Variants in MBOAT1 observed in about 807,000 individuals in gnomAD.
The protein encoded by MBOAT1 is membrane-bound glycerophospholipid O-acyltransferase 1.
Under a neutral mutation model 64.4 loss-of-function variants are expected in MBOAT1, and 67 were observed. That is an observed-to-expected ratio of 1.04 (90% CI 0.85 to 1.27). The LOEUF is 1.27. Among genes scored for constraint, MBOAT1 ranks in the 50% most tolerant of loss-of-function variants. The pLI, the probability that MBOAT1 is intolerant of heterozygous loss-of-function variation, is 0.00. For missense variants in MBOAT1, 563 were observed against 604.6 expected (o/e 0.93, Z 0.72); for synonymous variants, 229 against 218.9 (o/e 1.05, Z -0.41).
At position 20,144,263 on chromosome 6, in the gene MBOAT1, T is replaced by C. The variant is rs1454772008; in HGVS notation, c.376A>G (p.Ile126Val). 3 of 1,613,274 alleles carry C rather than the reference T, an allele frequency of 1.9e-6. No individual in the cohort carries two copies. Among genetic ancestry groups the C allele is most frequent in the Non-Finnish European group, 2.5e-6 (3 of 1,179,600 alleles). The change falls in exon 4 of 13, where the codon ATA becomes GTA. Residue 126 changes from isoleucine to valine, a missense_variant. By Grantham distance (29) the Ile-to-Val change is conservative. Transcript: ENST00000324607. ...GYLTICHISR[I>V]YIFHYGILTT... ...AGAATTCCATAGTGGAAGATGTATA[T>C]TCGGCTGATGTGGCATATTGTAAGA...
intron 1 of MBOAT1, among the ~76,000 whole-genome samples, chr6:20,184,880 A>AGTGTGTGTGTGT (rs58865791): frequency 0.26 from 37,645 of 142,562 alleles, 5,613 homozygotes; most frequent in Admixed American, 0.36. Context: ...TTATAACTGC[A>AGTGTGTGTGTGT]GTGTGTGTGT....
intron 1 of MBOAT1, among the ~76,000 whole-genome samples, chr6:20,209,227 T>C (rs1045561690): frequency 2.6e-5 from 4 of 152,218 alleles, no homozygotes; most frequent in African/African-American, 4.8e-5. Context: ...CCCTAAGTCA[T>C]CATCCCATTT....
chr6:20,106,058 G>T (rs1366646896), intron 12 of MBOAT1, among the ~76,000 whole-genome samples: 1 of 152,182 alleles, frequency 6.6e-6, no homozygotes, highest in African/African-American at 2.4e-5. Context: ...AAGCAATGAG[G>T]ATCTACTGAG....
At chr6:20,155,067 T>C (rs35630992) in intron 1 of MBOAT1, among the ~76,000 whole-genome samples, 32,511 of 152,186 alleles carry the variant, frequency 0.21, 4,244 homozygotes, top group East Asian at 0.43. Flanking sequence ...TACAGGGAAA[T>C]TTCCTGCATT....
At chr6:20,177,384 C>T (rs1762372694) in intron 1 of MBOAT1, among the ~76,000 whole-genome samples, 1 of 152,118 alleles carries the variant, frequency 6.6e-6, no homozygotes, top group South Asian at 2.1e-4. Context: ...TGTAGAGACG[C>T]AGTCTTACTT....
chr6:20,183,172 A>C (rs1247168324), intron 1 of MBOAT1, among the ~76,000 whole-genome samples: 3 of 152,164 alleles, frequency 2.0e-5, no homozygotes, highest in African/African-American at 7.2e-5. Flanking sequence ...CCTGTCCTCC[A>C]GGCTGGAAAG....
chr6:20,159,688 T>C (rs942005150), intron 1 of MBOAT1, among the ~76,000 whole-genome samples: 2 of 152,208 alleles, frequency 1.3e-5, no homozygotes, highest in Admixed American at 6.5e-5. Context: ...TTTGAGGTGA[T>C]AGGTTATGTT....
chr6:20,143,837 G>A (rs551279805), intron 4 of MBOAT1, among the ~76,000 whole-genome samples: 1 of 152,282 alleles, frequency 6.6e-6, no homozygotes, highest in African/African-American at 2.4e-5. Flanking sequence ...TTTCTGTAAA[G>A]AACCAAATAG....
At chr6:20,206,818 C>T (rs921981066) in intron 1 of MBOAT1, among the ~76,000 whole-genome samples, 5 of 152,156 alleles carry the variant, frequency 3.3e-5, no homozygotes, top group Admixed American at 6.5e-5. Context: ...TCACCCCCAC[C>T]CTCAGGCGCA....
At chr6:20,107,796 A>C (rs1182998664) in intron 12 of MBOAT1, among the ~76,000 whole-genome samples, 3 of 151,952 alleles carry the variant, frequency 2.0e-5, no homozygotes, top group Middle Eastern at 3.2e-3. Flanking sequence ...CTTACAGGAA[A>C]AAAAAAAAAG....
chr6:20,117,131 C>A lies in MBOAT1; in HGVS notation c.1011+1306G>T, dbSNP rs567518816. Among the ~76,000 whole-genome samples, 175 of 152,330 alleles carry A rather than the reference C, an allele frequency of 1.1e-3. 1 individual carries two copies. The highest frequency in any genetic ancestry group is 4.1e-3 in the African/African-American group (172 of 41,584). On this transcript the variant is annotated intron_variant, in intron 9 of 12. Coordinates refer to ENST00000324607, the MANE Select transcript of MBOAT1 (RefSeq NM_001080480.3). Reference sequence around the variant, plus strand: ...CGGGGACTGCTTCTTGCCTCACAAGCAGCGACCAATAGTAAAAACATTATT... The same window carrying A: ...CGGGGACTGCTTCTTGCCTCACAAGAAGCGACCAATAGTAAAAACATTATT...
At chr6:20,139,949 G>A (rs1480868772) in intron 4 of MBOAT1, among the ~76,000 whole-genome samples, 2 of 152,106 alleles carry the variant, frequency 1.3e-5, no homozygotes, top group African/African-American at 4.8e-5. Context: ...GGTATACACA[G>A]GGTTCCCCAG....
chr6:20,162,848 C>T (rs62397917), intron 1 of MBOAT1, among the ~76,000 whole-genome samples: 15 of 152,144 alleles, frequency 9.9e-5, no homozygotes, highest in Non-Finnish European at 1.8e-4. Flanking sequence ...TGTGTAAACC[C>T]TCTGTCTGTA....
rs191951940 is a variant in MBOAT1, at chr6:20,179,803, C to T, written c.100-27034G>A. On this transcript the variant is annotated intron_variant, in intron 1 of 12. Transcript: ENST00000324607. Reference sequence around the variant, plus strand: ...CAGTGTAAAAGTGCTCCTTTTTCTCCACAATCTTGCCAGCATCTGTTGTTT... The same window carrying T: ...CAGTGTAAAAGTGCTCCTTTTTCTCTACAATCTTGCCAGCATCTGTTGTTT... 1.6e-3 allele frequency among the ~76,000 whole-genome samples: 245 copies of T among 152,274 alleles called. 4 individuals carry two copies. The highest frequency in any genetic ancestry group is 0.01 in the Middle Eastern group (3 of 294).
intron 4 of MBOAT1, among the ~76,000 whole-genome samples, chr6:20,136,900 G>C (rs146584033): frequency 8.5e-5 from 13 of 152,148 alleles, no homozygotes; most frequent in African/African-American, 2.9e-4. Context: ...ACATTAAAAA[G>C]AAAAATGCAA....
chr6:20,131,436 C>CA (rs1226093170), intron 4 of MBOAT1, among the ~76,000 whole-genome samples: 12 of 152,236 alleles, frequency 7.9e-5, no homozygotes, highest in African/African-American at 2.9e-4. Flanking sequence ...CCTCTCCCTT[C>CA]ACTCTGCAGT....
intron 1 of MBOAT1, among the ~76,000 whole-genome samples, chr6:20,176,593 G>A (rs1762348374): frequency 6.6e-6 from 1 of 152,116 alleles, no homozygotes; most frequent in South Asian, 2.1e-4. Flanking sequence ...TGTCTGTTAT[G>A]ATAATGATGA....
intron 1 of MBOAT1, among the ~76,000 whole-genome samples, chr6:20,198,684 G>A (rs894723174): frequency 6.6e-6 from 1 of 152,156 alleles, no homozygotes; most frequent in Non-Finnish European, 1.5e-5. Flanking sequence ...ACCAAATCTA[G>A]ACACATATTA....
At chr6:20,206,084 G>A (rs1763257097) in intron 1 of MBOAT1, among the ~76,000 whole-genome samples, 1 of 152,074 alleles carries the variant, frequency 6.6e-6, no homozygotes. Context: ...CCCACCCTCT[G>A]TTCTCATTTT....
Sources: gnomAD v4.1 joint callset for allele counts (sites outside exome capture counted in the v4.1 genomes callset) on GRCh38, gnomAD v4.1.1 for gene constraint, MANE v1.5 for transcripts, NCBI Gene and HGNC (gene_info 2026-07-23, HGNC 2026-07-21) for gene names.